Variants in MMP24 observed in about 807,000 individuals in gnomAD.
MMP24 encodes the protein matrix metalloproteinase-24.
MMP24 carries 25 observed loss-of-function variants against 62.8 expected under a neutral mutation model. That is an observed-to-expected ratio of 0.40 (90% CI 0.29 to 0.56). The LOEUF is 0.56. Among genes scored for constraint, MMP24 ranks in the 20% least tolerant of loss-of-function variants. The pLI is 0.50. For missense variants in MMP24, 634 were observed against 853.6 expected, an observed-to-expected ratio of 0.74 and a Z score of 3.21; for synonymous variants, 319 against 350.5, an observed-to-expected ratio of 0.91 and a Z score of 1.00.
In MMP24 at chr20:35,263,837, G is replaced by A. The variant is rs1283525105; in HGVS notation, c.864G>A (p.Leu288=). ...LVAVHELGHA[L]GLEHSSDPSA... ...CTGTGCATGAGCTGGGCCACGCGCT[G>A]GGACTGGAGCACTCCAGCGACCCCA... is the stretch of plus-strand genomic sequence containing the variant. The change falls in exon 5 of 9, where the codon CTG becomes CTA. Residue 288 remains leucine (L), a synonymous_variant. Coordinates refer to ENST00000246186, the MANE Select transcript of MMP24 (RefSeq NM_006690.4). 6.2e-7 allele frequency: 1 copy of A among 1,607,752 alleles called. No individual in the cohort carries two copies. Among genetic ancestry groups the A allele is most frequent in the Non-Finnish European group, 8.5e-7 (1 of 1,177,120 alleles).
intron 4 of MMP24, among the ~76,000 whole-genome samples, chr20:35,258,206 A>G (rs1010765165): frequency 6.6e-6 from 1 of 152,164 alleles, no homozygotes; most frequent in Non-Finnish European, 1.5e-5. Flanking sequence ...CAGGCATTCT[A>G]ACATTTCACC....
At chr20:35,270,403 C>T (rs1869653442) in intron 7 of MMP24, among the ~76,000 whole-genome samples, 1 of 152,204 alleles carries the variant, frequency 6.6e-6, no homozygotes, top group African/African-American at 2.4e-5. Flanking sequence ...GGGATGTGTA[C>T]GGACGGCCAC....
chr20:35,274,255 G>A lies in MMP24; in HGVS notation c.1601-17G>A, dbSNP rs769342353. On this transcript the variant is annotated splice_polypyrimidine_tract_variant and intron_variant, in intron 8 of 8. Coordinates refer to ENST00000246186, the MANE Select transcript of MMP24 (RefSeq NM_006690.4). This position sits in a 1 kb window ranked among gnomAD's most constrained non-coding sequence, Gnocchi z 5.1. ...GGAAGTGTCTGGGAGTGGTGATGCT[G>A]GGCTGTATTTCTGCAGATTACACCT... 2 of 1,587,814 alleles carry A rather than the reference G, an allele frequency of 1.3e-6. No individual in the cohort carries two copies. Among genetic ancestry groups the A allele is most frequent in the Non-Finnish European group, 1.7e-6 (2 of 1,168,206 alleles).
intron 1 of MMP24, among the ~76,000 whole-genome samples, chr20:35,231,147 A>G (rs2060435740): frequency 6.6e-6 from 1 of 152,186 alleles, no homozygotes; most frequent in Admixed American, 6.5e-5. Flanking sequence ...CTAGTTTCCA[A>G]CTTGATTCTG....
intron 1 of MMP24, among the ~76,000 whole-genome samples, chr20:35,243,998 A>T (rs1026695940): frequency 6.6e-6 from 1 of 152,142 alleles, no homozygotes; most frequent in African/African-American, 2.4e-5. Context: ...TATTCCAACA[A>T]TTTTTCTTGT....
Position 35,249,592 on chromosome 20 carries a change from CTTT to C in MMP24, c.396-2301_396-2299del, listed in dbSNP as rs573444436. Reference sequence around the variant, plus strand: ...ATCTGTGAAATGGGAATAATAATTTCTTTTTTTTTTTTTTGAGACGGAGTCTCG... The same window carrying C: ...ATCTGTGAAATGGGAATAATAATTTCTTTTTTTTTTTGAGACGGAGTCTCG... On this transcript the variant is annotated intron_variant, in intron 2 of 8. Transcript: ENST00000246186. Among the ~76,000 whole-genome samples, 78 of 143,878 alleles carry C rather than the reference CTTT, an allele frequency of 5.4e-4. 1 individual carries two copies. Among genetic ancestry groups the C allele is most frequent in the African/African-American group, 1.9e-3 (75 of 39,586 alleles). 94.4% of individuals were successfully genotyped at this position (143,878 alleles called of 152,430 possible). A position where few individuals can be genotyped will look rare whatever the true frequency, so the allele number is the denominator to read the frequency against.
intron 1 of MMP24, among the ~76,000 whole-genome samples, chr20:35,245,219 G>A (rs1198116433): frequency 6.6e-6 from 1 of 152,026 alleles, no homozygotes; most frequent in Non-Finnish European, 1.5e-5. Flanking sequence ...TAGAGATGGG[G>A]TCTTGATATG....
At chr20:35,254,856 G>A (rs2060567069) in intron 4 of MMP24, 102 bp downstream of exon 4, 1 of 1,312,428 alleles carries the variant, frequency 7.6e-7, no homozygotes, top group Non-Finnish European at 1.0e-6. Context: ...AGAGCCTCTT[G>A]TCCAAGAACT....
chr20:35,271,983 C>T lies in MMP24; in HGVS notation c.1600+148C>T, dbSNP rs2060672940. The T allele has an allele frequency of 2.1e-5, 18 of 875,442 alleles. No homozygotes were observed. In the South Asian group the frequency reaches 2.5e-4, roughly 12 times the overall value. 54.2% of individuals were successfully genotyped at this position (875,442 alleles called of 1,614,324 possible). On this transcript the variant is annotated intron_variant, in intron 8 of 8. Transcript: ENST00000246186. This position sits in a 1 kb window ranked among gnomAD's most constrained non-coding sequence, Gnocchi z 4.0. ...ACTGCCTCATATCTACCCATGTTCA[C>T]GTGGTCCATTAATTCACTTACCAGC...
Position 35,269,054 on chromosome 20 carries a change from G to A in MMP24, c.1195-706G>A, listed in dbSNP as rs1172147969. ...AAAAAAAAAAAAGAAAGAAAACTGA[G>A]GCCTGGAGGCTACAGGCCTTGCCTA... On this transcript the variant is annotated intron_variant, in intron 6 of 8. Coordinates refer to ENST00000246186, the MANE Select transcript of MMP24 (RefSeq NM_006690.4). The surrounding 1 kb of genome is among the most constrained non-coding windows in gnomAD (Gnocchi z 4.6). 1.3e-5 allele frequency among the ~76,000 whole-genome samples: 2 copies of A among 151,978 alleles called. No homozygotes were observed. Among genetic ancestry groups the A allele is most frequent in the South Asian group, 2.1e-4 (1 of 4,810 alleles).
chr20:35,232,714 C>T (rs535815112), intron 1 of MMP24, among the ~76,000 whole-genome samples: 5 of 152,228 alleles, frequency 3.3e-5, no homozygotes, highest in Admixed American at 6.5e-5. Context: ...ATTTGATGTG[C>T]CTGAATCATC....
At chr20:35,228,239 C>G (rs944878056) in intron 1 of MMP24, among the ~76,000 whole-genome samples, 5 of 152,026 alleles carry the variant, frequency 3.3e-5, no homozygotes, top group Non-Finnish European at 7.4e-5. Flanking sequence ...GGCGAGGACC[C>G]CTAGATTTCT....
intron 6 of MMP24, 57 bp downstream of exon 6, chr20:35,267,476 C>G: frequency 1.3e-6 from 2 of 1,484,076 alleles, no homozygotes; most frequent in Non-Finnish European, 1.8e-6. Flanking sequence ...TCCTCCTCCC[C>G]GACATCATGG....
intron 1 of MMP24, among the ~76,000 whole-genome samples, chr20:35,232,280 TA>T (rs1276340462): frequency 1.3e-5 from 2 of 152,234 alleles, no homozygotes; most frequent in Non-Finnish European, 2.9e-5. Context: ...AGCCCTATAG[TA>T]TGGTATTGTT....
At chr20:35,238,074 G>A (rs1403732321) in intron 1 of MMP24, among the ~76,000 whole-genome samples, 1 of 152,208 alleles carries the variant, frequency 6.6e-6, no homozygotes, top group East Asian at 1.9e-4. Context: ...AGCTGCTGAT[G>A]GACCATTTGC....
chr20:35,248,499 G>A (rs547448820), intron 2 of MMP24, among the ~76,000 whole-genome samples: 127 of 152,002 alleles, frequency 8.4e-4, no homozygotes, highest in Middle Eastern at 3.4e-3. Context: ...GTAGAGATGG[G>A]GTTTCACCAT....
At chr20:35,253,274 T>TTTTTTTTTTTTTTTTTTG in intron 3 of MMP24, among the ~76,000 whole-genome samples, 1 of 146,434 alleles carries the variant, frequency 6.8e-6, no homozygotes, top group Non-Finnish European at 1.5e-5. Context: ...ACGGGACTTT[T>TTTTTTTTTTTTTTTTTTG]TTTTTTTTTT....
intron 1 of MMP24, 126 bp from the exon 2 acceptor site, chr20:35,246,714 A>C (rs2060516432): frequency 3.7e-6 from 4 of 1,095,356 alleles, no homozygotes; most frequent in Non-Finnish European, 5.3e-6. Context: ...AAGGAAAAAG[A>C]ACTCAGAGCA....
chr20:35,254,803 G>C, intron 4 of MMP24, 49 bp downstream of exon 4: 1 of 1,539,568 alleles, frequency 6.5e-7, no homozygotes, highest in South Asian at 1.3e-5. Context: ...TCAGTTGTTG[G>C]GAAAGAACTT....
Sources: gnomAD v4.1 joint callset for allele counts (sites outside exome capture counted in the v4.1 genomes callset) on GRCh38, gnomAD v4.1.1 for gene constraint, Gnocchi (gnomAD v3.1) non-coding constraint, MANE v1.5 for transcripts, NCBI Gene and HGNC (gene_info 2026-07-23, HGNC 2026-07-21) for gene names.